Variants in RASA1 observed in about 807,000 individuals in gnomAD.
The protein encoded by RASA1 is RAS p21 protein activator 1.
Under a neutral mutation model 132.2 loss-of-function variants are expected in RASA1, and 25 were observed. The observed-to-expected ratio is 0.19, with a 90% CI of 0.14 to 0.26. RASA1 has a LOEUF of 0.26. Ranked by LOEUF, RASA1 falls within the 10% of genes least tolerant of loss-of-function variation. RASA1 has a pLI of 1.00. For missense variants in RASA1, 964 were observed against 1,299.2 expected (o/e 0.74, Z 3.97); for synonymous variants, 477 against 449.9 (o/e 1.06, Z -0.76).
intron 17 of RASA1, 163 bp downstream of exon 17, chr5:87,377,203 T>C: frequency 1.1e-6 from 1 of 870,838 alleles, no homozygotes; most frequent in Admixed American, 2.1e-5. Flanking sequence ...TCAGTTCTGA[T>C]TATGTTGGTT....
intron 6 of RASA1, among the ~76,000 whole-genome samples, chr5:87,344,279 A>G (rs1429231811): frequency 1.3e-5 from 2 of 152,166 alleles, no homozygotes; most frequent in Non-Finnish European, 2.9e-5. Flanking sequence ...ATATGCTTGT[A>G]TCAAAACATC....
rs1267148303 is a variant in RASA1 at position 87,356,905 on chromosome 5, T to G, written c.1332+3670T>G. On this transcript the variant is annotated intron_variant, in intron 9 of 24. Transcript: ENST00000274376. The stretch of plus-strand genomic sequence containing the variant: ...TTCCCGCATGCTTTCCTAGTAGAAT[T>G]TAAGGTCTATGAGAACAGAGATTTT... Among the ~76,000 whole-genome samples, 3 of 152,134 alleles carry G rather than the reference T, an allele frequency of 2.0e-5. No individual in the cohort carries two copies. The East Asian group carries it at 5.8e-4, about 29-fold the overall frequency.
Position 87,389,445 on chromosome 5 carries a change from G to A in RASA1, c.2978G>A (p.Arg993His), listed in dbSNP as rs776455532. The A allele has an allele frequency of 6.2e-7, 1 of 1,614,162 alleles. No individual in the cohort carries two copies. The highest frequency in any genetic ancestry group is 8.5e-7 in the Non-Finnish European group (1 of 1,179,980). ...GAGCATTCTAGAACGGACCTGTCCC[G>A]TGATTTAGCAGCATTGCATGAGATT... ...TTEHSRTDLS[R>H]DLAALHEICV... Residue 993 changes from arginine to histidine, a missense_variant, in exon 24 of 25, where the codon CGT (arginine) becomes CAT (histidine). Transcript: ENST00000274376.
At chr5:87,286,280 T>C (rs1036539090) in intron 1 of RASA1, among the ~76,000 whole-genome samples, 1 of 152,102 alleles carries the variant, frequency 6.6e-6, no homozygotes, top group Non-Finnish European at 1.5e-5. Context: ...ATCTGACATT[T>C]CTTTTTTATT....
chr5:87,375,720 A>G (rs1361073210), intron 15 of RASA1, among the ~76,000 whole-genome samples: 1 of 152,184 alleles, frequency 6.6e-6, no homozygotes, highest in East Asian at 1.9e-4. Context: ...AACAGTTGAC[A>G]GTGAGATTTA....
intron 3 of RASA1, among the ~76,000 whole-genome samples, chr5:87,333,052 A>G (rs1757709519): frequency 6.6e-6 from 1 of 152,142 alleles, no homozygotes; most frequent in South Asian, 2.1e-4. Context: ...TTATAAAAGC[A>G]TACTGCTTAT....
At chr5:87,292,237 A>G (rs1322642517) in intron 1 of RASA1, among the ~76,000 whole-genome samples, 2 of 152,090 alleles carry the variant, frequency 1.3e-5, no homozygotes, top group Non-Finnish European at 2.9e-5. Context: ...AGAAGGCATC[A>G]CCATAGCCAA....
chr5:87,321,277 G>A (rs1446505469), intron 1 of RASA1, among the ~76,000 whole-genome samples: 2 of 152,150 alleles, frequency 1.3e-5, no homozygotes, highest in Non-Finnish European at 2.9e-5. Context: ...TCAACACAGA[G>A]GACTTCTGTG....
At position 87,268,207 on chromosome 5, in the gene RASA1, G is replaced by C. The variant is rs1753648867; in HGVS notation, c.-245G>C. On this transcript the variant is annotated 5_prime_UTR_variant, in exon 1 of 25. Transcript: ENST00000274376. Reference sequence around the variant, plus strand: ...AGTGTGGGTGTGTGCGGTGAGGTTTGGGTGGCGTTTGTGCAGGCGTTGGGT... The same window carrying C: ...AGTGTGGGTGTGTGCGGTGAGGTTTCGGTGGCGTTTGTGCAGGCGTTGGGT... 1 of 575,550 alleles carries C rather than the reference G, an allele frequency of 1.7e-6. No homozygotes were observed. The highest frequency in any genetic ancestry group is 2.4e-5 in the South Asian group (1 of 40,830). 35.7% of individuals were successfully genotyped at this position (575,550 alleles called of 1,614,324 possible). A position where few individuals can be genotyped will look rare whatever the true frequency, so the allele number is the denominator to read the frequency against.
At chr5:87,379,031 C>G (rs1761524254) in intron 18 of RASA1, among the ~76,000 whole-genome samples, 1 of 152,106 alleles carries the variant, frequency 6.6e-6, no homozygotes, top group South Asian at 2.1e-4. Flanking sequence ...AGTGGAATCT[C>G]ACACACATAT....
In RASA1 at chr5:87,391,375, G is replaced by A. The variant is rs141621865; in HGVS notation, c.*492G>A. 1.9e-5 allele frequency: 5 copies of A among 257,582 alleles called. No individual in the cohort carries two copies. Among genetic ancestry groups the A allele is most frequent in the African/African-American group, 8.7e-5 (4 of 45,864 alleles). The allele number at this position is 257,582 out of a possible 1,614,324, so 16.0% of individuals were successfully genotyped here. On this transcript the variant is annotated 3_prime_UTR_variant, in exon 25 of 25. Coordinates refer to ENST00000274376, the MANE Select transcript of RASA1 (RefSeq NM_002890.3). ...CCATTTGACTGTTCAATGATTATTT[G>A]TATTTACAGTTTCCAGAGTTTGTCA... is the stretch of plus-strand genomic sequence containing the variant.
At position 87,358,603 on chromosome 5, in the gene RASA1, C is replaced by A. The variant is rs550124709; in HGVS notation, c.1333-3948C>A. On this transcript the variant is annotated intron_variant, in intron 9 of 24. Transcript: ENST00000274376. ...TATGCTGCATGCTGCGCAGCAGTCA[C>A]TGGGATCCATTTAAAATGTCAGATC... is the stretch of plus-strand genomic sequence containing the variant. Among the ~76,000 whole-genome samples the A allele has an allele frequency of 7.2e-5, 11 of 152,360 alleles. No homozygotes were observed. In the South Asian group the frequency reaches 2.1e-3, roughly 29 times the overall value.
At chr5:87,285,747 T>C (rs1024925635) in intron 1 of RASA1, among the ~76,000 whole-genome samples, 4 of 150,986 alleles carry the variant, frequency 2.6e-5, no homozygotes, top group African/African-American at 4.9e-5. Flanking sequence ...GCCTCCTGAG[T>C]AGCTGGGATC....
At chr5:87,349,091 A>AC in intron 7 of RASA1, 123 bp from the exon 8 acceptor site, 2 of 1,221,932 alleles carry the variant, frequency 1.6e-6, no homozygotes, top group Non-Finnish European at 2.3e-6. Context: ...TAAAAAAAAA[A>AC]CAAGTTCCTG....
At chr5:87,283,292 G>A (rs927424583) in intron 1 of RASA1, among the ~76,000 whole-genome samples, 1 of 151,372 alleles carries the variant, frequency 6.6e-6, no homozygotes, top group African/African-American at 2.4e-5. Flanking sequence ...TTTAATGATA[G>A]CTGATTGAAA....
At chr5:87,343,048 G>A (rs932099575) in intron 6 of RASA1, among the ~76,000 whole-genome samples, 1 of 151,866 alleles carries the variant, frequency 6.6e-6, no homozygotes, top group Non-Finnish European at 1.5e-5. Flanking sequence ...TTGCATTGTT[G>A]GTTTATTTTA....
intron 15 of RASA1, 67 bp from the exon 16 acceptor site, chr5:87,376,326 A>G: frequency 6.4e-7 from 1 of 1,571,718 alleles, no homozygotes; most frequent in Non-Finnish European, 8.7e-7. Flanking sequence ...ACACCAGGAA[A>G]ATTTACTTGC....
At chr5:87,336,889 A>G (rs1758014928) in intron 4 of RASA1, among the ~76,000 whole-genome samples, 1 of 152,066 alleles carries the variant, frequency 6.6e-6, no homozygotes. Context: ...ATATTCTATG[A>G]TTATTCAAAT....
At position 87,372,056 on chromosome 5, in the gene RASA1, T is replaced by C. The variant is rs1345528773; in HGVS notation, c.1699-62T>C. The C allele has an allele frequency of 4.2e-6, 6 of 1,437,002 alleles. No homozygotes were observed. In the African/African-American group the frequency reaches 7.3e-5, roughly 17 times the overall value. 89.0% of individuals were successfully genotyped at this position (1,437,002 alleles called of 1,614,324 possible). A position where few individuals can be genotyped will look rare whatever the true frequency, so the allele number is the denominator to read the frequency against. On this transcript the variant is annotated intron_variant, in intron 12 of 24. Transcript: ENST00000274376. Reference sequence around the variant, plus strand: ...TTGAATTTGAAAAAAAAAACCTAACTGATGATTTGGAAGCCAAATAAACTA... The same window carrying C: ...TTGAATTTGAAAAAAAAAACCTAACCGATGATTTGGAAGCCAAATAAACTA...
Sources: gnomAD v4.1 joint callset for allele counts (sites outside exome capture counted in the v4.1 genomes callset) on GRCh38, gnomAD v4.1.1 for gene constraint, MANE v1.5 for transcripts, NCBI Gene and HGNC (gene_info 2026-07-23, HGNC 2026-07-21) for gene names.